The following TAOK2 variants were observed in gnomAD, a reference collection of about 807,000 sequenced individuals.
TAOK2 encodes the protein TAO kinase 2.
In TAOK2, 42 loss-of-function variants were observed where a neutral mutation model predicts 122.5. The observed-to-expected ratio is 0.34, with a 90% CI of 0.27 to 0.44. The LOEUF is 0.44. Ranked by LOEUF, TAOK2 falls within the 20% of genes least tolerant of loss-of-function variation. The probability of loss-of-function intolerance (pLI) is 1.00; values close to 1 mark genes in which losing one functional copy is unlikely to be tolerated. For synonymous variants in TAOK2, 704 were observed against 677.6 expected (o/e 1.04, Z -0.61); for missense variants, 1,264 against 1,644.9 (o/e 0.77, Z 4.01).
downstream of TAOK2, chr16:29,988,459 C>G (rs1369635831): frequency 1.6e-6 from 2 of 1,238,508 alleles, no homozygotes; most frequent in Admixed American, 3.2e-5. Context: ...CGGTATGCCC[C>G]CAGGCTGACC....
intron 4 of TAOK2, 37 bp downstream of exon 4, chr16:29,978,390 C>G (rs747095958): frequency 1.9e-5 from 30 of 1,590,950 alleles, no homozygotes; most frequent in Non-Finnish European, 2.5e-5. Context: ...ATCTTTACTC[C>G]TATTCATGCC....
At chr16:29,982,075 G>A in intron 10 of TAOK2, 135 bp downstream of exon 10, 1 of 694,398 alleles carries the variant, frequency 1.4e-6, no homozygotes, top group Non-Finnish European at 2.5e-6. Flanking sequence ...CATCCCCAAT[G>A]CCTAGTGGAC....
intron 2 of TAOK2, 82 bp from the exon 3 acceptor site, chr16:29,978,007 T>A: frequency 6.2e-7 from 1 of 1,611,792 alleles, no homozygotes; most frequent in Non-Finnish European, 8.5e-7. Flanking sequence ...TGGTCTTTCC[T>A]GCCTTCTCTT....
In TAOK2 at chr16:29,983,543, T is replaced by G; in HGVS notation, c.1301T>G (p.Ile434Arg). ...TATGATGACCCCTACCAGCCAGAGA[T>G]AACCCCCAGCCCTCTCCAGCCGCCT... is the stretch of plus-strand genomic sequence containing the variant. ...NLYDDPYQPE[I>R]TPSPLQPPAA... Residue 434 changes from isoleucine to arginine, a missense_variant, in exon 13 of 16, where the codon ATA becomes AGA. Coordinates refer to ENST00000308893, the MANE Select transcript of TAOK2 (RefSeq NM_016151.4). The G allele has an allele frequency of 6.2e-7, 1 of 1,613,644 alleles. No homozygotes were observed. Among genetic ancestry groups the G allele is most frequent in the South Asian group, 1.1e-5 (1 of 91,032 alleles).
Position 29,983,614 on chromosome 16 carries a change from G to C in TAOK2, c.1372G>C (p.Ala458Pro). 6.2e-7 allele frequency: 1 copy of C among 1,613,540 alleles called. No homozygotes were observed. The change falls in exon 13 of 16, where the codon GCC becomes CCC. Residue 458 changes from alanine to proline, a missense_variant. Physicochemically the swap from Ala to Pro is conservative, Grantham distance 27 (BLOSUM62 -1). Around this residue, in one of 4 missense-constraint regions of TAOK2, gnomAD observed 122 missense variants for 116.7 expected, o/e 1.04. Coordinates refer to ENST00000308893, the MANE Select transcript of TAOK2 (RefSeq NM_016151.4). ...TSTTSSARRR[A>P]YCRNRDHFAT... The stretch of plus-strand genomic sequence containing the variant: ...CACCACCTCTTCCGCCCGCCGCCGG[G>C]CCTACTGCCGTAACCGAGACCACTT...
chr16:29,983,423 G>A, intron 12 of TAOK2, 80 bp from the exon 13 acceptor site: 3 of 1,562,716 alleles, frequency 1.9e-6, no homozygotes, highest in South Asian at 1.2e-5. Context: ...ACTCCTCTGA[G>A]TCTGATTGGC....
In TAOK2 at chr16:29,986,589, C is replaced by G; in HGVS notation, c.2317C>G (p.Gln773Glu). Reference protein sequence around the residue: ...GPPNTGTPIEQQPCSPGQEAV... With the variant: ...GPPNTGTPIEEQPCSPGQEAV... ...ACCCAACACAGGCACCCCTATAGAACAGCAGCCCTGCTCACCTGGCCAGGA... is the reference window on the plus strand; with the variant it reads ...ACCCAACACAGGCACCCCTATAGAAGAGCAGCCCTGCTCACCTGGCCAGGA... The change falls in exon 16 of 16, where the codon CAG becomes GAG. Residue 773 changes from glutamine to glutamate, a missense_variant. Gln to Glu is a conservative substitution (Grantham distance 29, BLOSUM62 2). Around this residue, in one of 4 missense-constraint regions of TAOK2, gnomAD observed 824 missense variants for 908.7 expected, o/e 0.91. Coordinates refer to ENST00000308893, the MANE Select transcript of TAOK2 (RefSeq NM_016151.4). The surrounding 1 kb of genome is among the most constrained non-coding windows in gnomAD (Gnocchi z 4.2). The G allele has an allele frequency of 6.2e-7, 1 of 1,613,668 alleles. No homozygotes were observed. Among genetic ancestry groups the G allele is most frequent in the Non-Finnish European group, 8.5e-7 (1 of 1,179,816 alleles).
chr16:29,975,528 C>G (rs1567236342), intron 1 of TAOK2, among the ~76,000 whole-genome samples: 1 of 152,198 alleles, frequency 6.6e-6, no homozygotes, highest in Non-Finnish European at 1.5e-5. Context: ...ATGAGATGAG[C>G]TTCCTTTCCA....
At chr16:29,990,839 A>G (rs747841033), downstream of TAOK2, 3 of 1,613,290 alleles carry the variant, frequency 1.9e-6, no homozygotes, top group Non-Finnish European at 1.7e-6. Context: ...CAGCAGCTTC[A>G]ACAGGAGCTG....
rs894273710 is a variant in TAOK2, at chr16:29,979,832, T to G, written c.655+324T>G. 6.6e-6 allele frequency among the ~76,000 whole-genome samples: 1 copy of G among 152,150 alleles called. No homozygotes were observed. Among genetic ancestry groups the G allele is most frequent in the Admixed American group, 6.6e-5 (1 of 15,266 alleles). On this transcript the variant is annotated intron_variant, in intron 8 of 15. Coordinates refer to ENST00000308893, the MANE Select transcript of TAOK2 (RefSeq NM_016151.4). The surrounding 1 kb of genome is among the most constrained non-coding windows in gnomAD (Gnocchi z 4.1). ...CTGCCCTCATGGAACTTACATTTGATTTAGGGAAACCAGGCAGGCATGTTT... is the reference window on the plus strand; with the variant it reads ...CTGCCCTCATGGAACTTACATTTGAGTTAGGGAAACCAGGCAGGCATGTTT...
At position 29,986,963 on chromosome 16, in the gene TAOK2, C is replaced by A. The variant is rs763856760; in HGVS notation, c.2691C>A (p.Pro897=). The change falls in exon 16 of 16, where the codon CCC becomes CCA. Residue 897 remains proline, a synonymous_variant. Coordinates refer to ENST00000308893, the MANE Select transcript of TAOK2 (RefSeq NM_016151.4). The surrounding 1 kb of genome is among the most constrained non-coding windows in gnomAD (Gnocchi z 4.2). ...LGWVQGPALT[P]VPEEEEEEEE... is the part of the protein sequence containing the mutation. ...GGGTCCAGGGCCCAGCACTGACTCC[C>A]GTCCCTGAGGAGGAGGAAGAAGAGG... The A allele has an allele frequency of 6.2e-7, 1 of 1,613,754 alleles. No individual in the cohort carries two copies. The highest frequency in any genetic ancestry group is 1.3e-5 in the African/African-American group (1 of 74,982).
Position 29,982,623 on chromosome 16 carries a change from G to A in TAOK2, c.832-111G>A, listed in dbSNP as rs867106403. 5.5e-5 allele frequency: 79 copies of A among 1,424,016 alleles called. 1 individual carries two copies. Among genetic ancestry groups the A allele is most frequent in the South Asian group, 4.6e-4 (34 of 73,668 alleles). 88.2% of individuals were successfully genotyped at this position (1,424,016 alleles called of 1,614,324 possible). The stretch of plus-strand genomic sequence containing the variant: ...CTTGGGATAAGGCCAGCATCAACCC[G>A]TGGTGGGCGTGGGCCCCAGAAGAGT... On this transcript the variant is annotated intron_variant, in intron 10 of 15. Coordinates refer to ENST00000308893, the MANE Select transcript of TAOK2 (RefSeq NM_016151.4).
At position 29,987,849 on chromosome 16, in the gene TAOK2, C is replaced by G; in HGVS notation, c.3577C>G (p.Arg1193Gly). 1.2e-6 allele frequency: 2 copies of G among 1,610,804 alleles called. No individual in the cohort carries two copies. Among genetic ancestry groups the G allele is most frequent in the Middle Eastern group, 1.7e-4 (1 of 6,050 alleles). The change falls in exon 16 of 16, where the codon CGA (arginine) becomes GGA (glycine). Residue 1193 changes from arginine to glycine, a missense_variant. Around this residue, in one of 4 missense-constraint regions of TAOK2, gnomAD observed 824 missense variants for 908.7 expected, o/e 0.91. Transcript: ENST00000308893. Reference sequence around the variant, plus strand: ...CCTGCTTCGGGGTGAACGGCCCACCCGAATCCCCCGGCTACTACCACGCAG... The same window carrying G: ...CCTGCTTCGGGGTGAACGGCCCACCGGAATCCCCCGGCTACTACCACGCAG... The part of the protein sequence containing the change: ...WGLLRGERPT[R>G]IPRLLPRSQR...
At position 29,982,987 on chromosome 16, in the gene TAOK2, C is replaced by G. The variant is rs1276161646; in HGVS notation, c.1000-85C>G. Reference sequence around the variant, plus strand: ...GCTTGGCCCCTTCCCCAGCCCTACTCACACCACCATCTTCCCATGCTACCT... The same window carrying G: ...GCTTGGCCCCTTCCCCAGCCCTACTGACACCACCATCTTCCCATGCTACCT... On this transcript the variant is annotated intron_variant, in intron 11 of 15. Coordinates refer to ENST00000308893, the MANE Select transcript of TAOK2 (RefSeq NM_016151.4). 2.5e-6 allele frequency: 4 copies of G among 1,604,300 alleles called. No individual in the cohort carries two copies. In the East Asian group the frequency reaches 8.9e-5, roughly 36 times the overall value.
chr16:29,983,611 C>T lies in TAOK2; in HGVS notation c.1369C>T (p.Arg457Trp). 5 of 1,613,772 alleles carry T rather than the reference C, an allele frequency of 3.1e-6. No homozygotes were observed. The highest frequency in any genetic ancestry group is 1.3e-5 in the African/African-American group (1 of 75,052). The change falls in exon 13 of 16, where the codon CGG becomes TGG. Residue 457 changes from arginine to tryptophan, a missense_variant. Arg to Trp is a moderately radical substitution (Grantham distance 101, BLOSUM62 -3). This residue lies in a region of TAOK2 where 122 missense variants were observed against 116.7 expected (regional missense o/e 1.04). Coordinates refer to ENST00000308893, the MANE Select transcript of TAOK2 (RefSeq NM_016151.4). Reference sequence around the variant, plus strand: ...TTCCACCACCTCTTCCGCCCGCCGCCGGGCCTACTGCCGTAACCGAGACCA... The same window carrying T: ...TTCCACCACCTCTTCCGCCCGCCGCTGGGCCTACTGCCGTAACCGAGACCA... ...PTSTTSSARR[R>W]AYCRNRDHFA...
rs748058489 is a variant in TAOK2 at position 29,986,566 on chromosome 16, C to T, written c.2294C>T (p.Pro765Leu). ...PLPIPGALGP[P>L]NTGTPIEQQP... Reference sequence around the variant, plus strand: ...CCCATTCCTGGGGCTCTGGGCCCACCCAACACAGGCACCCCTATAGAACAG... The same window carrying T: ...CCCATTCCTGGGGCTCTGGGCCCACTCAACACAGGCACCCCTATAGAACAG... Residue 765 changes from proline (P) to leucine (L), a missense_variant, in exon 16 of 16, where the codon CCC becomes CTC. Around this residue, in one of 4 missense-constraint regions of TAOK2, gnomAD observed 824 missense variants for 908.7 expected, o/e 0.91. Coordinates refer to ENST00000308893, the MANE Select transcript of TAOK2 (RefSeq NM_016151.4). The surrounding 1 kb of genome is among the most constrained non-coding windows in gnomAD (Gnocchi z 4.2). 6.2e-7 allele frequency: 1 copy of T among 1,613,922 alleles called. No individual in the cohort carries two copies. The highest frequency in any genetic ancestry group is 1.1e-5 in the South Asian group (1 of 91,006).
chr16:29,981,817 C>T, intron 9 of TAOK2, 42 bp from the exon 10 acceptor site: 2 of 1,604,328 alleles, frequency 1.2e-6, no homozygotes, highest in Non-Finnish European at 1.7e-6. Context: ...ATGCCTGACT[C>T]ATGCCTTCCC....
chr16:29,978,000 T>G (rs1162770969), intron 2 of TAOK2, 89 bp from the exon 3 acceptor site: 1 of 1,611,814 alleles, frequency 6.2e-7, no homozygotes, highest in Non-Finnish European at 8.5e-7. Context: ...ATCACACTGG[T>G]CTTTCCTGCC....
chr16:29,987,597 C>T lies in TAOK2; in HGVS notation c.3325C>T (p.Arg1109Trp), dbSNP rs759836142. 9.3e-6 allele frequency: 15 copies of T among 1,612,440 alleles called. No homozygotes were observed. Among genetic ancestry groups the T allele is most frequent in the East Asian group, 4.5e-5 (2 of 44,818 alleles). ...ALQGCGAVGD[R>W]GLFALYPKTN... Reference sequence around the variant, plus strand: ...GCAGGGCTGTGGGGCTGTGGGGGACCGGGGTCTGTTTGCACTGTACCCCAA... The same window carrying T: ...GCAGGGCTGTGGGGCTGTGGGGGACTGGGGTCTGTTTGCACTGTACCCCAA... Residue 1109 changes from arginine (R) to tryptophan (W), a missense_variant, in exon 16 of 16, where the codon CGG becomes TGG. By Grantham distance (101) the Arg-to-Trp change is moderately radical. This residue lies in a region of TAOK2 where 824 missense variants were observed against 908.7 expected (regional missense o/e 0.91). Transcript: ENST00000308893.
Sources: gnomAD v4.1 joint callset for allele counts (sites outside exome capture counted in the v4.1 genomes callset) on GRCh38, gnomAD v4.1.1 for gene constraint, gnomAD v4.1.1 regional missense constraint, Gnocchi (gnomAD v3.1) non-coding constraint, MANE v1.5 for transcripts, NCBI Gene and HGNC (gene_info 2026-07-23, HGNC 2026-07-21) for gene names.